Variants in RARB observed in about 807,000 individuals in gnomAD.
RARB encodes HBV-activated protein.
RARB carries 17 observed loss-of-function variants against 51.9 expected under a neutral mutation model. The observed-to-expected ratio is 0.33, with a 90% CI of 0.22 to 0.49. The LOEUF (loss-of-function observed/expected upper bound fraction) is 0.49, where lower values mean the gene tolerates loss of function less well. Ranked by LOEUF, RARB falls within the 20% of genes least tolerant of loss-of-function variation. The pLI is 0.99. For synonymous variants in RARB, 215 were observed against 195.4 expected (o/e 1.10, Z -0.84); for missense variants, 369 against 550.8 (o/e 0.67, Z 3.30).
chr3:25,299,045 G>A (rs1703981267), intron 5 of RARB, among the ~76,000 whole-genome samples: 1 of 152,154 alleles, frequency 6.6e-6, no homozygotes, highest in Non-Finnish European at 1.5e-5. Flanking sequence ...TCTGGCAATG[G>A]CATTAAGGTG....
intron 5 of RARB, among the ~76,000 whole-genome samples, chr3:25,200,534 T>A (rs1172280913): frequency 3.3e-5 from 5 of 152,170 alleles, no homozygotes; most frequent in Admixed American, 3.3e-4. Flanking sequence ...ATGTCCTGAA[T>A]GGTATTGCCT....
intron 5 of RARB, among the ~76,000 whole-genome samples, chr3:25,208,792 T>A (rs1701622850): frequency 6.6e-6 from 1 of 152,182 alleles, no homozygotes; most frequent in African/African-American, 2.4e-5. Context: ...GCTGAGCTTG[T>A]ACCTTTTGTA....
intron 5 of RARB, among the ~76,000 whole-genome samples, chr3:25,339,432 T>A (rs1409406169): frequency 6.6e-6 from 1 of 152,162 alleles, no homozygotes; most frequent in Non-Finnish European, 1.5e-5. Flanking sequence ...TCACTTCTGT[T>A]TTCGGAACGT....
intron 5 of RARB, among the ~76,000 whole-genome samples, chr3:25,192,629 T>C (rs1479216733): frequency 6.6e-6 from 1 of 152,110 alleles, no homozygotes; most frequent in African/African-American, 2.4e-5. Flanking sequence ...TAAAAGTTTT[T>C]GGTTTGCCAT....
intron 3 of RARB, among the ~76,000 whole-genome samples, chr3:25,119,311 T>C (rs991454437): frequency 6.6e-6 from 1 of 152,100 alleles, no homozygotes; most frequent in African/African-American, 2.4e-5. Context: ...TGCTTTGAAA[T>C]CAGATTTTTC....
At position 25,466,051 on chromosome 3, in the gene RARB, G is replaced by C. The variant is rs57893398; in HGVS notation, c.306+4710G>C. The stretch of plus-strand genomic sequence containing the variant: ...CTCTCTTTTCTCATCTGGAAAAATG[G>C]GGGTGATATTACCTACCTCATGGTA... On this transcript the variant is annotated intron_variant, in intron 2 of 7. Coordinates refer to ENST00000330688, the MANE Select transcript of RARB (RefSeq NM_000965.5). 5.3e-4 allele frequency among the ~76,000 whole-genome samples: 80 copies of C among 152,234 alleles called. No individual in the cohort carries two copies. In the Middle Eastern group the frequency reaches 0.02, roughly 39 times the overall value.
At chr3:24,871,882 C>T (rs565942083) in intron 2 of RARB, among the ~76,000 whole-genome samples, 149 of 152,238 alleles carry the variant, frequency 9.8e-4, no homozygotes, top group Middle Eastern at 3.4e-3. Flanking sequence ...TTCAGGAAAT[C>T]CTATTAGCTC....
At chr3:25,371,760 A>G (rs1706308044) in intron 5 of RARB, among the ~76,000 whole-genome samples, 1 of 152,266 alleles carries the variant, frequency 6.6e-6, no homozygotes, top group Admixed American at 6.5e-5. Context: ...AAATATTTAG[A>G]GAGCATTTAC....
intron 2 of RARB, among the ~76,000 whole-genome samples, chr3:25,058,726 C>A (rs912328115): frequency 5.3e-5 from 8 of 151,450 alleles, no homozygotes; most frequent in Non-Finnish European, 1.2e-4. Flanking sequence ...AAAAACCAAC[C>A]AATTGATTAT....
chr3:24,937,049 T>C (rs1207584939), intron 2 of RARB, among the ~76,000 whole-genome samples: 2 of 152,204 alleles, frequency 1.3e-5, no homozygotes, highest in Admixed American at 1.3e-4. Flanking sequence ...GTGACTATTG[T>C]CTGTAAAAGA....
At chr3:25,359,608 A>G (rs59816658) in intron 5 of RARB, among the ~76,000 whole-genome samples, 12,522 of 152,146 alleles carry the variant, frequency 0.082, 721 homozygotes, top group South Asian at 0.19. Context: ...TTCTGTGGGC[A>G]TTTAGTGCTA....
intron 5 of RARB, among the ~76,000 whole-genome samples, chr3:25,277,042 G>A (rs1703406793): frequency 6.6e-6 from 1 of 152,108 alleles, no homozygotes; most frequent in African/African-American, 2.4e-5. Context: ...TAGGAATGAG[G>A]AGTATCTCTC....
chr3:25,495,724 G>A lies in RARB; in HGVS notation c.307-5458G>A, dbSNP rs149633374. Among the ~76,000 whole-genome samples the A allele has an allele frequency of 3.2e-3, 488 of 152,312 alleles. 3 individuals are homozygous for A. The highest frequency in any genetic ancestry group is 5.5e-3 in the Non-Finnish European group (373 of 68,020). Reference sequence around the variant, plus strand: ...TTGACTCAGTGTGTAACACAGATCTGTCTTTCTGATCTCAGTAATTGGTGT... The same window carrying A: ...TTGACTCAGTGTGTAACACAGATCTATCTTTCTGATCTCAGTAATTGGTGT... On this transcript the variant is annotated intron_variant, in intron 2 of 7. Coordinates refer to ENST00000330688, the MANE Select transcript of RARB (RefSeq NM_000965.5).
chr3:25,470,922 T>C (rs924383091), intron 2 of RARB, among the ~76,000 whole-genome samples: 1 of 152,222 alleles, frequency 6.6e-6, no homozygotes, highest in African/African-American at 2.4e-5. Flanking sequence ...GGGCTTTGCA[T>C]AGTGCTAGGG....
At chr3:25,359,377 G>T (rs1264760876) in intron 5 of RARB, among the ~76,000 whole-genome samples, 2 of 150,300 alleles carry the variant, frequency 1.3e-5, no homozygotes, top group Non-Finnish European at 3.0e-5. Context: ...CTTTTTATTA[G>T]TCTGGTTAGT....
At chr3:25,006,298 A>C (rs919514115) in intron 2 of RARB, among the ~76,000 whole-genome samples, 5 of 152,130 alleles carry the variant, frequency 3.3e-5, no homozygotes, top group African/African-American at 1.2e-4. Context: ...ATACTCTCTC[A>C]ATACTTGTTA....
intron 2 of RARB, among the ~76,000 whole-genome samples, chr3:25,047,062 G>A (rs910007590): frequency 6.6e-6 from 1 of 152,152 alleles, no homozygotes; most frequent in African/African-American, 2.4e-5. Context: ...AAGAGCTCCA[G>A]TGTCTCATGT....
chr3:25,032,073 A>G (rs1697887682), intron 2 of RARB, among the ~76,000 whole-genome samples: 1 of 152,196 alleles, frequency 6.6e-6, no homozygotes, highest in Admixed American at 6.5e-5. Context: ...AAGACATAAC[A>G]TATCCATTGA....
intron 2 of RARB, among the ~76,000 whole-genome samples, chr3:24,901,296 A>C (rs554059970): frequency 6.6e-6 from 1 of 152,364 alleles, no homozygotes; most frequent in South Asian, 2.1e-4. Flanking sequence ...ACATAAAGCA[A>C]TTAAGAATTT....
Sources: allele counts gnomAD v4.1 joint callset (sites outside exome capture counted in the v4.1 genomes callset), GRCh38; gene constraint gnomAD v4.1.1; transcripts MANE v1.5; gene names NCBI Gene and HGNC (gene_info 2026-07-23, HGNC 2026-07-21).